SLC2A13: variants seen among roughly 807,000 people sequenced by gnomAD.
SLC2A13 encodes solute carrier family 2 member 13.
In SLC2A13, 32 loss-of-function variants were observed where a neutral mutation model predicts 64.4. The ratio of observed to expected loss-of-function variants is 0.50; its 90% CI spans 0.37 to 0.67. The LOEUF (loss-of-function observed/expected upper bound fraction) is 0.67. Among genes scored for constraint, SLC2A13 ranks in the 30% least tolerant of loss-of-function variants. SLC2A13 has a pLI of 0.00. For synonymous variants in SLC2A13, 338 were observed against 327.1 expected, an observed-to-expected ratio of 1.03 and a Z score of -0.36; for missense variants, 743 against 829.2, an observed-to-expected ratio of 0.90 and a Z score of 1.28.
chr12:39,875,915 CTG>C (rs1247896888), intron 4 of SLC2A13, among the ~76,000 whole-genome samples: 1 of 152,190 alleles, frequency 6.6e-6, no homozygotes, highest in South Asian at 2.1e-4. Flanking sequence ...TTTCAAGGGA[CTG>C]TATTCATTCA....
chr12:40,037,630 CA>C (rs36117892), intron 2 of SLC2A13, among the ~76,000 whole-genome samples: 18,142 of 74,054 alleles, frequency 0.24, 1,181 homozygotes, highest in East Asian at 0.48. Flanking sequence ...ACTCAGGTCT[CA>C]AAAAAAAAAA....
chr12:40,079,203 G>A (rs1360710941), intron 1 of SLC2A13, among the ~76,000 whole-genome samples: 1 of 152,062 alleles, frequency 6.6e-6, no homozygotes, highest in Non-Finnish European at 1.5e-5. Flanking sequence ...AGTTCCTCTA[G>A]GTGTGATGCT....
intron 4 of SLC2A13, among the ~76,000 whole-genome samples, chr12:39,937,833 C>A (rs61050676): frequency 0.057 from 8,617 of 152,200 alleles, 403 homozygotes; most frequent in East Asian, 0.26. Context: ...TTTATTAGAT[C>A]TTATCATCCT....
At chr12:39,930,703 G>A (rs1408908038) in intron 4 of SLC2A13, among the ~76,000 whole-genome samples, 13 of 152,144 alleles carry the variant, frequency 8.5e-5, no homozygotes, top group Admixed American at 7.9e-4. Context: ...TTTTGTGTAT[G>A]TAATACTGTG....
intron 3 of SLC2A13, among the ~76,000 whole-genome samples, chr12:40,015,335 T>C (rs988040991): frequency 6.6e-6 from 1 of 152,176 alleles, no homozygotes; most frequent in Admixed American, 6.5e-5. Flanking sequence ...TTCAACATAG[T>C]TTTGTTGTAA....
intron 1 of SLC2A13, among the ~76,000 whole-genome samples, chr12:40,096,524 A>G (rs966482990): frequency 2.0e-5 from 3 of 151,990 alleles, no homozygotes; most frequent in Non-Finnish European, 4.4e-5. Flanking sequence ...AAAAAAAATT[A>G]GAGACTCTTA....
At chr12:39,992,407 G>A (rs28370639) in intron 3 of SLC2A13, among the ~76,000 whole-genome samples, 1 of 152,286 alleles carries the variant, frequency 6.6e-6, no homozygotes, top group Non-Finnish European at 1.5e-5. Context: ...TACTACCACA[G>A]AGGTGGCAGG....
intron 1 of SLC2A13, among the ~76,000 whole-genome samples, chr12:40,070,964 G>A (rs1937935173): frequency 2.6e-5 from 4 of 152,098 alleles, no homozygotes; most frequent in Admixed American, 2.0e-4. Flanking sequence ...AGACCCAACC[G>A]GTTATATGCA....
At chr12:39,933,847 A>C (rs981160673) in intron 4 of SLC2A13, among the ~76,000 whole-genome samples, 1 of 152,232 alleles carries the variant, frequency 6.6e-6, no homozygotes, top group African/African-American at 2.4e-5. Context: ...AACCCTGAAA[A>C]GTATCATGCC....
intron 3 of SLC2A13, among the ~76,000 whole-genome samples, chr12:40,006,058 T>G (rs1251972530): frequency 6.6e-6 from 1 of 152,140 alleles, no homozygotes; most frequent in Non-Finnish European, 1.5e-5. Context: ...CATGAATGTT[T>G]TAAGTCTAAA....
intron 4 of SLC2A13, among the ~76,000 whole-genome samples, chr12:39,898,020 A>G (rs1225457272): frequency 6.6e-6 from 1 of 152,114 alleles, no homozygotes; most frequent in Admixed American, 6.6e-5. Flanking sequence ...ATTAATCATA[A>G]CAATTATTTT....
intron 2 of SLC2A13, among the ~76,000 whole-genome samples, chr12:40,039,549 G>C (rs1287666204): frequency 6.6e-6 from 1 of 152,090 alleles, no homozygotes; most frequent in Non-Finnish European, 1.5e-5. Context: ...GGCTTCTTAT[G>C]TGTTTCTTTT....
intron 4 of SLC2A13, among the ~76,000 whole-genome samples, chr12:39,895,346 C>T (rs971643682): frequency 5.3e-5 from 8 of 150,984 alleles, no homozygotes; most frequent in East Asian, 3.9e-4. Flanking sequence ...AAAAATTAGC[C>T]GGGCTTGGTG....
chr12:39,985,243 T>TG (rs1947007872), intron 3 of SLC2A13, among the ~76,000 whole-genome samples: 1 of 152,146 alleles, frequency 6.6e-6, no homozygotes, highest in Admixed American at 6.6e-5. Flanking sequence ...CTCCTGCTGT[T>TG]GGTTTCTTGG....
At chr12:39,858,746 A>T (rs1476487434) in intron 6 of SLC2A13, among the ~76,000 whole-genome samples, 3 of 152,098 alleles carry the variant, frequency 2.0e-5, no homozygotes, top group African/African-American at 7.2e-5. Context: ...AGCTGGGATT[A>T]TAGGAGCCTG....
rs577802289 is a variant in SLC2A13 at position 40,026,950 on chromosome 12, C to T, written c.925+1351G>A. ...CAAAAATCAGCCAGGCATGATGGCC[C>T]ATGCCTATAATCCCAGCTACTCGGG... On this transcript the variant is annotated intron_variant, in intron 3 of 9. Transcript: ENST00000280871. Among the ~76,000 whole-genome samples, 4 of 152,204 alleles carry T rather than the reference C, an allele frequency of 2.6e-5. No homozygotes were observed. The East Asian group carries it at 7.7e-4, about 29-fold the overall frequency.
At chr12:40,083,315 A>C (rs946720687) in intron 1 of SLC2A13, among the ~76,000 whole-genome samples, 1 of 152,038 alleles carries the variant, frequency 6.6e-6, no homozygotes, top group African/African-American at 2.4e-5. Flanking sequence ...CCTCTTTTCC[A>C]AATCTGCTAT....
chr12:39,798,273 C>T (rs1350969136), intron 7 of SLC2A13, among the ~76,000 whole-genome samples: 1 of 152,160 alleles, frequency 6.6e-6, no homozygotes, highest in African/African-American at 2.4e-5. Flanking sequence ...TGAGAGATAC[C>T]ACCACAGAGC....
chr12:39,995,822 G>A (rs1023940775), intron 3 of SLC2A13, among the ~76,000 whole-genome samples: 2 of 152,126 alleles, frequency 1.3e-5, no homozygotes, highest in Non-Finnish European at 1.5e-5. Context: ...TTTTAAAAAC[G>A]GGAGTTTCCC....
Sources: allele counts gnomAD v4.1 joint callset (sites outside exome capture counted in the v4.1 genomes callset), GRCh38; gene constraint gnomAD v4.1.1; transcripts MANE v1.5; gene names NCBI Gene and HGNC (gene_info 2026-07-23, HGNC 2026-07-21).